Variants in SDHAF3 observed in about 807,000 individuals in gnomAD.
SDHAF3 encodes the protein succinate dehydrogenase complex assembly factor 3, also known as succinate dehydrogenase assembly factor 3, mitochondrial.
A neutral mutation model predicts 11.5 loss-of-function variants in SDHAF3; 18 were observed. The observed-to-expected ratio is 1.56, with a 90% confidence interval of 1.08 to 2.32. The LOEUF (loss-of-function observed/expected upper bound fraction) is 2.32. Among genes scored for constraint, SDHAF3 ranks in the 30% most tolerant of loss-of-function variants. The pLI, the probability that SDHAF3 is intolerant of heterozygous loss-of-function variation, is 0.00. For synonymous variants in SDHAF3, 72 were observed against 59.3 expected (o/e 1.21, Z -0.99); for missense variants, 200 against 154.4 (o/e 1.30, Z -1.57).
At chr7:97,160,969 CGATGGTTG>C (rs1789399385) in intron 1 of SDHAF3, among the ~76,000 whole-genome samples, 1 of 151,160 alleles carries the variant, frequency 6.6e-6, no homozygotes, top group Admixed American at 6.6e-5. Context: ...CCCCACTTAA[CGATGGTTG>C]GACTTAAAAT....
chr7:97,163,168 C>CTTTTTTTTTTTTT (rs58956333), intron 1 of SDHAF3, among the ~76,000 whole-genome samples: 2 of 125,012 alleles, frequency 1.6e-5, no homozygotes, highest in African/African-American at 3.0e-5. Flanking sequence ...GTTTAAAGTC[C>CTTTTTTTTTTTTT]TTTTTTTTTT....
chr7:97,141,684 T>G (rs967686100), intron 1 of SDHAF3, among the ~76,000 whole-genome samples: 2 of 152,128 alleles, frequency 1.3e-5, no homozygotes, highest in Non-Finnish European at 1.5e-5. Context: ...TAAGTAGAGA[T>G]GGGGTTTCAC....
chr7:97,124,250 A>C (rs1791541883), intron 1 of SDHAF3, among the ~76,000 whole-genome samples: 1 of 152,146 alleles, frequency 6.6e-6, no homozygotes, highest in Non-Finnish European at 1.5e-5. Context: ...TAAATAGGGA[A>C]TCCTTTCCCC....
intron 1 of SDHAF3, among the ~76,000 whole-genome samples, chr7:97,143,466 C>T (rs1474838539): frequency 3.9e-5 from 6 of 152,212 alleles, no homozygotes; most frequent in African/African-American, 7.2e-5. Flanking sequence ...CCCACTCTTT[C>T]CCCCAAGTCC....
At chr7:97,120,822 G>A (rs540669228) in intron 1 of SDHAF3, among the ~76,000 whole-genome samples, 1 of 152,150 alleles carries the variant, frequency 6.6e-6, no homozygotes, top group Admixed American at 6.5e-5. Flanking sequence ...AAGGGATCAA[G>A]AACACTAGAG....
chr7:97,126,309 T>C (rs1255806348), intron 1 of SDHAF3, among the ~76,000 whole-genome samples: 1 of 152,210 alleles, frequency 6.6e-6, no homozygotes, highest in Non-Finnish European at 1.5e-5. Context: ...AGTCTGTCCC[T>C]TAGTGGAGCT....
intron 1 of SDHAF3, among the ~76,000 whole-genome samples, chr7:97,162,025 G>T (rs961714149): frequency 3.7e-4 from 57 of 152,134 alleles, no homozygotes; most frequent in African/African-American, 1.3e-3. Context: ...TTCCACAATG[G>T]TTGAACTAAT....
At chr7:97,161,142 T>G (rs2115717508) in intron 1 of SDHAF3, among the ~76,000 whole-genome samples, 1 of 152,332 alleles carries the variant, frequency 6.6e-6, no homozygotes, top group African/African-American at 2.4e-5. Context: ...GTCACAGTAC[T>G]CTACAGTGTA....
intron 1 of SDHAF3, among the ~76,000 whole-genome samples, chr7:97,179,742 T>G (rs1789741407): frequency 6.7e-6 from 1 of 149,198 alleles, no homozygotes; most frequent in Non-Finnish European, 1.5e-5. Flanking sequence ...CACAAAATAG[T>G]GCCAAGGTTG....
intron 1 of SDHAF3, among the ~76,000 whole-genome samples, chr7:97,164,640 G>A (rs980050326): frequency 6.6e-6 from 1 of 152,070 alleles, no homozygotes; most frequent in African/African-American, 2.4e-5. Flanking sequence ...CTCCCAAAGT[G>A]CTGGGATTAC....
At chr7:97,179,946 T>C (rs2115759248) in intron 1 of SDHAF3, among the ~76,000 whole-genome samples, 1 of 152,344 alleles carries the variant, frequency 6.6e-6, no homozygotes, top group South Asian at 2.1e-4. Context: ...TCAAGCCAGA[T>C]CAGGTAGCAG....
intron 1 of SDHAF3, among the ~76,000 whole-genome samples, chr7:97,166,620 C>T (rs1318751257): frequency 6.6e-6 from 1 of 152,094 alleles, no homozygotes; most frequent in Non-Finnish European, 1.5e-5. Flanking sequence ...GTCAGCTGTG[C>T]CTGAATTCCA....
intron 1 of SDHAF3, among the ~76,000 whole-genome samples, chr7:97,161,554 G>A (rs1257898648): frequency 2.0e-5 from 3 of 152,072 alleles, no homozygotes; most frequent in Admixed American, 6.6e-5. Flanking sequence ...ACCTACATTA[G>A]GTATTTCTCC....
In SDHAF3 at chr7:97,117,885, G is replaced by T. The variant is rs1377201209; in HGVS notation, c.162G>T (p.Leu54Phe). ...GTTCTGACGAGGCACAGCGTTTCTT[G>T]CAAGAATGGGAGGCAAGTGACGCTC... is the stretch of plus-strand genomic sequence containing the variant. ...TVGSDEAQRF[L>F]QEWEVYATAL... Residue 54 changes from leucine to phenylalanine, a missense_variant, in exon 1 of 2, where the codon TTG (leucine) becomes TTT (phenylalanine). Coordinates refer to ENST00000432641, the MANE Select transcript of SDHAF3 (RefSeq NM_020186.3). 1 of 1,614,096 alleles carries T rather than the reference G, an allele frequency of 6.2e-7. No individual in the cohort carries two copies. Among genetic ancestry groups the T allele is most frequent in the Non-Finnish European group, 8.5e-7 (1 of 1,179,934 alleles).
intron 1 of SDHAF3, among the ~76,000 whole-genome samples, chr7:97,156,570 T>C (rs1789303919): frequency 6.6e-6 from 1 of 152,146 alleles, no homozygotes; most frequent in African/African-American, 2.4e-5. Context: ...TTTAAATCCA[T>C]TTAACTGACA....
chr7:97,180,922 A>C, intron 1 of SDHAF3, 90 bp from the exon 2 acceptor site: 1 of 1,140,806 alleles, frequency 8.8e-7, no homozygotes, highest in Non-Finnish European at 1.2e-6. Context: ...GATGAGGAAA[A>C]ATAGGTGACT....
At chr7:97,156,811 T>C (rs1789308568) in intron 1 of SDHAF3, among the ~76,000 whole-genome samples, 1 of 152,184 alleles carries the variant, frequency 6.6e-6, no homozygotes, top group African/African-American at 2.4e-5. Context: ...ATATATATTT[T>C]TTTAGAGTGA....
At position 97,139,205 on chromosome 7, in the gene SDHAF3, C is replaced by T. The variant is rs1584215873; in HGVS notation, c.174+21308C>T. Among the ~76,000 whole-genome samples, 8 of 152,302 alleles carry T rather than the reference C, an allele frequency of 5.3e-5. No individual in the cohort carries two copies. In the South Asian group the frequency reaches 1.7e-3, roughly 32 times the overall value. On this transcript the variant is annotated intron_variant, in intron 1 of 1. Transcript: ENST00000432641. ...AAGAAGAATGAGGTTACACTGACAACCGAAGGGTGAGAAGGGCAGAGAAGA... is the reference window on the plus strand; with the variant it reads ...AAGAAGAATGAGGTTACACTGACAATCGAAGGGTGAGAAGGGCAGAGAAGA...
intron 1 of SDHAF3, among the ~76,000 whole-genome samples, chr7:97,122,965 A>G (rs2115615872): frequency 6.6e-6 from 1 of 151,706 alleles, no homozygotes; most frequent in African/African-American, 2.4e-5. Context: ...TACTGCTGCA[A>G]TGGAAGTACT....
Sources: gnomAD v4.1 joint callset for allele counts (sites outside exome capture counted in the v4.1 genomes callset) on GRCh38, gnomAD v4.1.1 for gene constraint, MANE v1.5 for transcripts, NCBI Gene and HGNC (gene_info 2026-07-23, HGNC 2026-07-21) for gene names.